ATXN1: variants seen among roughly 807,000 people sequenced by gnomAD.
ATXN1 encodes the protein ataxin 1.
Under a neutral mutation model 56.4 loss-of-function variants are expected in ATXN1, and 8 were observed. The observed-to-expected ratio is 0.14, with a 90% CI of 0.08 to 0.26. ATXN1 has a LOEUF of 0.26. Ranked by LOEUF, ATXN1 falls within the 10% of genes least tolerant of loss-of-function variation. The pLI is 1.00. For synonymous variants in ATXN1, 514 were observed against 494.6 expected, an observed-to-expected ratio of 1.04 and a Z score of -0.52; for missense variants, 987 against 1,106.5, an observed-to-expected ratio of 0.89 and a Z score of 1.53.
At chr6:16,742,797 G>T (rs750484246) in intron 2 of ATXN1, among the ~76,000 whole-genome samples, 7 of 152,144 alleles carry the variant, frequency 4.6e-5, no homozygotes, top group Non-Finnish European at 8.8e-5. Context: ...TGACGAGCAG[G>T]GTTTGCAGAA....
intron 3 of ATXN1, among the ~76,000 whole-genome samples, chr6:16,602,522 G>T (rs931487606): frequency 6.6e-6 from 1 of 151,318 alleles, no homozygotes; most frequent in African/African-American, 2.4e-5. Flanking sequence ...CATGATCTTG[G>T]CTCACTGCAA....
At chr6:16,318,889 T>C (rs1251394375) in intron 7 of ATXN1, among the ~76,000 whole-genome samples, 2 of 152,188 alleles carry the variant, frequency 1.3e-5, no homozygotes, top group Admixed American at 1.3e-4. Context: ...ACACAGGTTC[T>C]AGCTCACTTG....
chr6:16,595,847 C>A (rs1324983752), intron 3 of ATXN1, among the ~76,000 whole-genome samples: 3 of 152,194 alleles, frequency 2.0e-5, no homozygotes, highest in Non-Finnish European at 2.9e-5. Flanking sequence ...TTATTAAATT[C>A]TCACACTGTT....
chr6:16,385,871 C>T (rs1026680051), intron 6 of ATXN1, among the ~76,000 whole-genome samples: 17 of 152,198 alleles, frequency 1.1e-4, no homozygotes, highest in African/African-American at 2.9e-4. Flanking sequence ...TTTCTGATAA[C>T]GTGCTAATCT....
intron 4 of ATXN1, among the ~76,000 whole-genome samples, chr6:16,557,948 T>G (rs1762044350): frequency 6.6e-6 from 1 of 152,224 alleles, no homozygotes; most frequent in South Asian, 2.1e-4. Context: ...TCCATTTATA[T>G]GAGATGTCTA....
chr6:16,605,173 T>A (rs1762981151), intron 3 of ATXN1, among the ~76,000 whole-genome samples: 1 of 152,250 alleles, frequency 6.6e-6, no homozygotes, highest in Non-Finnish European at 1.5e-5. Context: ...TAGTGGATCA[T>A]GAACTACGTA....
At chr6:16,739,831 T>C (rs1760269064) in intron 2 of ATXN1, 3 of 456,718 alleles carry the variant, frequency 6.6e-6, no homozygotes, top group Admixed American at 2.3e-5. Context: ...ATAAACACTT[T>C]GAACGGCAAA....
At chr6:16,556,113 T>G (rs574347175) in intron 4 of ATXN1, among the ~76,000 whole-genome samples, 1 of 152,376 alleles carries the variant, frequency 6.6e-6, no homozygotes, top group Non-Finnish European at 1.5e-5. Flanking sequence ...TGCTTACAAA[T>G]GATAAAATAT....
chr6:16,501,025 A>C (rs2113673635), intron 5 of ATXN1, among the ~76,000 whole-genome samples: 1 of 152,360 alleles, frequency 6.6e-6, no homozygotes, highest in African/African-American at 2.4e-5. Context: ...ATGATGGTAG[A>C]AATTGGGAAG....
chr6:16,427,239 T>C lies in ATXN1; in HGVS notation c.-161+58733A>G, dbSNP rs919281769. 3.9e-5 allele frequency among the ~76,000 whole-genome samples: 6 copies of C among 152,282 alleles called. No homozygotes were observed. In the South Asian group the frequency reaches 1.2e-3, roughly 32 times the overall value. ...ACTGTTGACATCTTGTGCTGGATGA[T>C]TCTTTGTGGTGGGGGCTGTCCTGTG... On this transcript the variant is annotated intron_variant, in intron 6 of 7. Coordinates refer to ENST00000436367, the MANE Select transcript of ATXN1 (RefSeq NM_001128164.2).
At chr6:16,598,520 G>T (rs1223456737) in intron 3 of ATXN1, among the ~76,000 whole-genome samples, 1 of 152,240 alleles carries the variant, frequency 6.6e-6, no homozygotes, top group East Asian at 1.9e-4. Context: ...AAGTTCATCC[G>T]CTGTAAAAGG....
At chr6:16,505,608 T>C (rs991493959) in intron 5 of ATXN1, among the ~76,000 whole-genome samples, 11 of 152,210 alleles carry the variant, frequency 7.2e-5, no homozygotes, top group African/African-American at 2.4e-4. Context: ...CCAGGCTTGC[T>C]GGAAAAGCAG....
At chr6:16,452,218 T>C (rs1284941015) in intron 6 of ATXN1, among the ~76,000 whole-genome samples, 1 of 152,202 alleles carries the variant, frequency 6.6e-6, no homozygotes, top group Non-Finnish European at 1.5e-5. Context: ...GTGAGCTTTT[T>C]GAGGGTAAAG....
At chr6:16,585,006 G>A (rs1221906366) in intron 4 of ATXN1, among the ~76,000 whole-genome samples, 1 of 152,068 alleles carries the variant, frequency 6.6e-6, no homozygotes, top group Admixed American at 6.5e-5. Context: ...GCTGAGGTGG[G>A]AAGACTGCTT....
intron 4 of ATXN1, among the ~76,000 whole-genome samples, chr6:16,560,528 G>A (rs934856323): frequency 1.3e-5 from 2 of 152,182 alleles, no homozygotes; most frequent in African/African-American, 2.4e-5. Context: ...AAGGGGGCAG[G>A]GGTGGAGAGA....
At chr6:16,309,072 TAA>T in intron 7 of ATXN1, among the ~76,000 whole-genome samples, 1 of 148,888 alleles carries the variant, frequency 6.7e-6, no homozygotes, top group South Asian at 2.1e-4. Context: ...TACAGAAATT[TAA>T]AAAAAAATAG....
At position 16,306,584 on chromosome 6, in the gene ATXN1, G is replaced by C. The variant is rs749684027; in HGVS notation, c.2193C>G (p.Asn731Lys). The change falls in exon 8 of 8, where the codon AAC becomes AAG. Residue 731 changes from asparagine (N) to lysine (K), a missense_variant. Coordinates refer to ENST00000436367, the MANE Select transcript of ATXN1 (RefSeq NM_001128164.2). This position sits in a 1 kb window ranked among gnomAD's most constrained non-coding sequence, Gnocchi z 5.2. ...CAGAGAGCATCTGGGCACTCCCCTG[G>C]TTGATTCCGTTTTCCTGCTCGGCAT... ...HRYAEQENGI[N>K]QGSAQMLSEN... is the part of the protein sequence containing the mutation. The C allele has an allele frequency of 3.1e-6, 5 of 1,614,062 alleles. No homozygotes were observed. Among genetic ancestry groups the C allele is most frequent in the Non-Finnish European group, 4.2e-6 (5 of 1,180,038 alleles).
chr6:16,314,263 A>G (rs1760463497), intron 7 of ATXN1, among the ~76,000 whole-genome samples: 1 of 152,216 alleles, frequency 6.6e-6, no homozygotes, highest in African/African-American at 2.4e-5. Flanking sequence ...AGGTACACTC[A>G]AGCATTCATA....
intron 5 of ATXN1, among the ~76,000 whole-genome samples, chr6:16,490,095 G>A (rs1418510479): frequency 2.1e-5 from 3 of 143,566 alleles, no homozygotes; most frequent in African/African-American, 7.8e-5. Context: ...TACATTGAAA[G>A]CAATGATACC....
Sources: allele counts gnomAD v4.1 joint callset (sites outside exome capture counted in the v4.1 genomes callset), GRCh38; gene constraint gnomAD v4.1.1; non-coding constraint Gnocchi (gnomAD v3.1); transcripts MANE v1.5; gene names NCBI Gene and HGNC (gene_info 2026-07-23, HGNC 2026-07-21).